The following FNDC3B variants were observed in gnomAD, a reference collection of about 807,000 sequenced individuals.
FNDC3B encodes fibronectin type III domain-containing protein 3B.
Under a neutral mutation model 151.5 loss-of-function variants are expected in FNDC3B, and 12 were observed. The observed-to-expected ratio is 0.08, with a 90% CI of 0.05 to 0.13. The LOEUF (loss-of-function observed/expected upper bound fraction) is 0.13. Ranked by LOEUF, FNDC3B falls within the 10% of genes least tolerant of loss-of-function variation. The pLI, the probability that FNDC3B is intolerant of heterozygous loss-of-function variation, is 1.00. For missense variants in FNDC3B, 1,214 were observed against 1,505.3 expected, an observed-to-expected ratio of 0.81 and a Z score of 3.20; for synonymous variants, 528 against 549.0, an observed-to-expected ratio of 0.96 and a Z score of 0.54.
At chr3:172,096,400 A>T (rs1719095488) in intron 1 of FNDC3B, among the ~76,000 whole-genome samples, 1 of 152,226 alleles carries the variant, frequency 6.6e-6, no homozygotes. Context: ...CACACAATCT[A>T]AAAGCATTTT....
At chr3:172,147,383 C>T (rs1746245448) in intron 3 of FNDC3B, among the ~76,000 whole-genome samples, 1 of 151,710 alleles carries the variant, frequency 6.6e-6, no homozygotes, top group African/African-American at 2.4e-5. Flanking sequence ...TGATAAGCTG[C>T]TGTGAGCCCT....
chr3:172,040,448 A>C lies in FNDC3B; in HGVS notation c.-29+677A>C, dbSNP rs1715971486. 6.6e-6 allele frequency: 1 copy of C among 151,124 alleles called. No individual in the cohort carries two copies. The highest frequency in any genetic ancestry group is 2.0e-4 in the East Asian group (1 of 5,060). The allele number at this position is 151,124 out of a possible 1,614,324, so 9.4% of individuals were successfully genotyped here. On this transcript the variant is annotated intron_variant, in intron 1 of 25. Coordinates refer to ENST00000415807, the MANE Select transcript of FNDC3B (RefSeq NM_022763.4). The surrounding 1 kb of genome is among the most constrained non-coding windows in gnomAD (Gnocchi z 6.6). ...GACACTCCCCGCCCCGCTGCTGGCC[A>C]CCTCCGAGCACGCCACGTCCTCCTC... is the stretch of plus-strand genomic sequence containing the variant.
chr3:172,341,915 T>C (rs887886507), intron 17 of FNDC3B, among the ~76,000 whole-genome samples: 1 of 152,204 alleles, frequency 6.6e-6, no homozygotes, highest in Non-Finnish European at 1.5e-5. Context: ...TAGAAATAAT[T>C]GTTATCTAAA....
chr3:172,306,093 G>T (rs950578663), intron 9 of FNDC3B, among the ~76,000 whole-genome samples: 2 of 152,072 alleles, frequency 1.3e-5, no homozygotes, highest in African/African-American at 4.8e-5. Context: ...TGCCTTTGAC[G>T]TATGGCCTCT....
At chr3:172,176,628 A>T (rs1051182120) in intron 3 of FNDC3B, among the ~76,000 whole-genome samples, 5 of 152,190 alleles carry the variant, frequency 3.3e-5, no homozygotes, top group African/African-American at 1.2e-4. Context: ...GTCGAATGAG[A>T]TAATGTGAGA....
chr3:172,365,235 G>A (rs761714183), intron 23 of FNDC3B, among the ~76,000 whole-genome samples: 1 of 152,196 alleles, frequency 6.6e-6, no homozygotes, highest in Non-Finnish European at 1.5e-5. Flanking sequence ...GAAAAGAACA[G>A]TGTCTTCCTC....
chr3:172,205,791 C>T (rs1725392641), intron 3 of FNDC3B, among the ~76,000 whole-genome samples: 1 of 152,084 alleles, frequency 6.6e-6, no homozygotes, highest in Non-Finnish European at 1.5e-5. Flanking sequence ...GAAGTTTGCT[C>T]CTCTTTGTTT....
intron 23 of FNDC3B, 37 bp downstream of exon 23, chr3:172,362,882 A>G (rs780521366): frequency 6.6e-7 from 1 of 1,510,052 alleles, no homozygotes; most frequent in Non-Finnish European, 9.1e-7. Flanking sequence ...AAGCTTCTGT[A>G]GCTTTGGCTT....
intron 1 of FNDC3B, among the ~76,000 whole-genome samples, chr3:172,059,848 T>G (rs1717104015): frequency 6.6e-6 from 1 of 152,194 alleles, no homozygotes; most frequent in Non-Finnish European, 1.5e-5. Flanking sequence ...AATTAAAACT[T>G]TTAGGTAAAT....
At chr3:172,220,066 C>CTT (rs34609986) in intron 3 of FNDC3B, among the ~76,000 whole-genome samples, 134,687 of 152,140 alleles carry the variant, frequency 0.89, 59,962 homozygotes, top group African/African-American at 0.96. Context: ...TTACATTTAA[C>CTT]TTTGAGGAAG....
chr3:172,092,003 C>T (rs906300434), intron 1 of FNDC3B, among the ~76,000 whole-genome samples: 1 of 151,690 alleles, frequency 6.6e-6, no homozygotes, highest in Admixed American at 6.6e-5. Flanking sequence ...AGTCAGTTTT[C>T]TGTGTTCATT....
intron 3 of FNDC3B, among the ~76,000 whole-genome samples, chr3:172,219,250 G>A (rs1726150176): frequency 6.6e-6 from 1 of 152,148 alleles, no homozygotes; most frequent in African/African-American, 2.4e-5. Flanking sequence ...TTATATGTCT[G>A]TATCCCCATG....
chr3:172,348,154 G>A (rs1733696867), intron 21 of FNDC3B, among the ~76,000 whole-genome samples: 1 of 152,316 alleles, frequency 6.6e-6, no homozygotes, highest in South Asian at 2.1e-4. Flanking sequence ...TGACCTTGAA[G>A]AGCTCTGTCT....
intron 3 of FNDC3B, among the ~76,000 whole-genome samples, chr3:172,159,234 G>A (rs1444777969): frequency 4.6e-5 from 7 of 152,244 alleles, no homozygotes; most frequent in Admixed American, 2.6e-4. Flanking sequence ...AGCCAGGATC[G>A]CACCATTGCA....
At chr3:172,102,475 G>C (rs761753769) in intron 1 of FNDC3B, among the ~76,000 whole-genome samples, 2 of 152,012 alleles carry the variant, frequency 1.3e-5, no homozygotes, top group Non-Finnish European at 2.9e-5. Context: ...AATTTGATTC[G>C]TAATAGATCT....
At chr3:172,377,936 A>G (rs1260928373) in intron 23 of FNDC3B, among the ~76,000 whole-genome samples, 2 of 152,228 alleles carry the variant, frequency 1.3e-5, no homozygotes, top group Non-Finnish European at 2.9e-5. Flanking sequence ...TTACACTACC[A>G]GATTATAGAT....
intron 2 of FNDC3B, chr3:172,127,027 A>G (rs772029553): frequency 2.2e-6 from 1 of 456,744 alleles, no homozygotes; most frequent in Non-Finnish European, 4.4e-6. Flanking sequence ...GGAGAGCCCA[A>G]ATGTTTACCA....
chr3:172,079,582 T>G (rs1451190774), intron 1 of FNDC3B, among the ~76,000 whole-genome samples: 1 of 152,242 alleles, frequency 6.6e-6, no homozygotes, highest in Non-Finnish European at 1.5e-5. Flanking sequence ...GGTCTTACTT[T>G]AGCACTGGGG....
intron 18 of FNDC3B, 98 bp downstream of exon 18, chr3:172,343,214 C>T (rs1733427176): frequency 1.4e-6 from 1 of 719,170 alleles, no homozygotes; most frequent in South Asian, 1.5e-5. Context: ...CTTCTAAAGA[C>T]CATATACGTT....
Sources: allele counts gnomAD v4.1 joint callset (sites outside exome capture counted in the v4.1 genomes callset), GRCh38; gene constraint gnomAD v4.1.1; non-coding constraint Gnocchi (gnomAD v3.1); transcripts MANE v1.5; gene names NCBI Gene and HGNC (gene_info 2026-07-23, HGNC 2026-07-21).